TENT2: variants seen among roughly 807,000 people sequenced by gnomAD.
TENT2 encodes the protein terminal nucleotidyltransferase 2, also known as poly(A) RNA polymerase GLD2.
In TENT2, 44 loss-of-function variants were observed where a neutral mutation model predicts 72.2. The ratio of observed to expected loss-of-function variants is 0.61; its 90% confidence interval spans 0.48 to 0.78. TENT2 has a LOEUF of 0.78. TENT2 is among the 30% of genes least tolerant of loss of function. The pLI, the probability that TENT2 is intolerant of heterozygous loss-of-function variation, is 0.00. For synonymous variants in TENT2, 212 were observed against 192.5 expected (o/e 1.10, Z -0.84); for missense variants, 541 against 569.6 (o/e 0.95, Z 0.51).
chr5:79,644,508 A>G (rs1456636375), intron 7 of TENT2: 1 of 152,150 alleles, frequency 6.6e-6, no homozygotes, highest in African/African-American at 2.4e-5. Context: ...AAAAATATGT[A>G]TGTACATTTT....
At chr5:79,682,604 T>C (rs768200202) in intron 14 of TENT2, among the ~76,000 whole-genome samples, 2 of 152,096 alleles carry the variant, frequency 1.3e-5, no homozygotes, top group African/African-American at 4.8e-5. Flanking sequence ...ATTTTCGTAG[T>C]GAGCTTATTA....
At chr5:79,642,453 C>T (rs2150445290) in intron 6 of TENT2, among the ~76,000 whole-genome samples, 1 of 152,110 alleles carries the variant, frequency 6.6e-6, no homozygotes, top group Middle Eastern at 3.4e-3. Flanking sequence ...AACTGAGGCA[C>T]CATAGATATG....
At chr5:79,680,474 GA>G (rs1820791502) in intron 13 of TENT2, among the ~76,000 whole-genome samples, 1 of 152,094 alleles carries the variant, frequency 6.6e-6, no homozygotes, top group African/African-American at 2.4e-5. Context: ...TTCTGTTAAG[GA>G]AAAGAACCCC....
At chr5:79,627,532 C>T (rs1771367619) in intron 4 of TENT2, among the ~76,000 whole-genome samples, 1 of 152,086 alleles carries the variant, frequency 6.6e-6, no homozygotes, top group African/African-American at 2.4e-5. Context: ...GTTGCCCAGG[C>T]TCAAGTGTAA....
intron 11 of TENT2, among the ~76,000 whole-genome samples, chr5:79,659,595 A>ATATATATATATAG (rs1561547891): frequency 1.3e-5 from 1 of 79,180 alleles, no homozygotes; most frequent in Admixed American, 1.4e-4. Context: ...TATATATATA[A>ATATATATATATAG]TAGCCATCGT....
chr5:79,614,275 G>T (rs1455628652), intron 1 of TENT2, among the ~76,000 whole-genome samples: 3 of 151,678 alleles, frequency 2.0e-5, no homozygotes, highest in African/African-American at 7.3e-5. Context: ...GCTAATTTTT[G>T]TATTTTTAGT....
At chr5:79,638,065 T>C (rs1781598279) in intron 4 of TENT2, among the ~76,000 whole-genome samples, 2 of 152,214 alleles carry the variant, frequency 1.3e-5, no homozygotes, top group South Asian at 4.1e-4. Context: ...CCCAAAGTGC[T>C]GGGATTACAG....
chr5:79,659,879 GAT>G (rs1491167092), intron 11 of TENT2, among the ~76,000 whole-genome samples: 7 of 139,464 alleles, frequency 5.0e-5, no homozygotes, highest in Non-Finnish European at 1.0e-4. Context: ...TTCATATACA[GAT>G]ATACCTTTAA....
chr5:79,627,784 T>C (rs1010689304), intron 4 of TENT2, among the ~76,000 whole-genome samples: 2 of 152,116 alleles, frequency 1.3e-5, no homozygotes, highest in African/African-American at 4.8e-5. Flanking sequence ...CACGCCTGGC[T>C]GGAACCAATT....
intron 12 of TENT2, among the ~76,000 whole-genome samples, chr5:79,676,357 G>A (rs1001674399): frequency 3.9e-5 from 6 of 152,064 alleles, no homozygotes; most frequent in African/African-American, 1.2e-4. Context: ...AGGCTGAGGT[G>A]GGCAGATCGC....
chr5:79,626,643 G>A (rs1185046361), intron 4 of TENT2, among the ~76,000 whole-genome samples: 1 of 126,368 alleles, frequency 7.9e-6, no homozygotes, highest in African/African-American at 3.1e-5. Context: ...TTTTTTTTTG[G>A]TAGAGCCAGG....
intron 11 of TENT2, among the ~76,000 whole-genome samples, chr5:79,659,582 A>ATATATG (rs1801029081): frequency 7.6e-6 from 1 of 132,400 alleles, no homozygotes; most frequent in Non-Finnish European, 1.6e-5. Context: ...ATATATATAT[A>ATATATG]TATATATATA....
intron 10 of TENT2, among the ~76,000 whole-genome samples, chr5:79,655,382 G>A (rs371799017): frequency 4.6e-5 from 7 of 152,060 alleles, no homozygotes; most frequent in Admixed American, 2.6e-4. Context: ...TTGTCTCCTA[G>A]CATTCTAGTT....
rs975615526 is a variant in TENT2 at position 79,686,645 on chromosome 5, T to G, written c.*1372T>G. On this transcript the variant is annotated 3_prime_UTR_variant, in exon 15 of 15. Transcript: ENST00000453514. ...TGCAATAAAATTTATATATGGACATTGTTGAGGTGCCTTTTTTTTCTGTGA... is the reference window on the plus strand; with the variant it reads ...TGCAATAAAATTTATATATGGACATGGTTGAGGTGCCTTTTTTTTCTGTGA... The G allele has an allele frequency of 1.3e-5, 2 of 152,146 alleles. No individual in the cohort carries two copies. Among genetic ancestry groups the G allele is most frequent in the African/African-American group, 4.8e-5 (2 of 41,444 alleles). The allele number at this position is 152,146 out of a possible 1,614,324, so 9.4% of individuals were successfully genotyped here.
chr5:79,645,252 T>A (rs1169294752), intron 8 of TENT2, 60 bp downstream of exon 8: 9 of 1,270,102 alleles, frequency 7.1e-6, no homozygotes, highest in Non-Finnish European at 8.9e-6. Context: ...GATACTCATC[T>A]GATAAAGATA....
chr5:79,676,816 T>A (rs1279139399), intron 12 of TENT2, among the ~76,000 whole-genome samples: 2 of 152,164 alleles, frequency 1.3e-5, no homozygotes, highest in East Asian at 3.8e-4. Context: ...ATTTTACACT[T>A]TAATTATTGA....
rs1580700582 is a variant in TENT2, at chr5:79,682,082, A to G, written c.1380+21A>G. 12 of 1,563,090 alleles carry G rather than the reference A, an allele frequency of 7.7e-6. No individual in the cohort carries two copies. In the East Asian group the frequency reaches 2.7e-4, roughly 35 times the overall value. On this transcript the variant is annotated intron_variant, in intron 14 of 14. Transcript: ENST00000453514. ...TAAAGGTAAACAATGCATTAGATCA[A>G]CCCTAGAAACATTAGTAGACTAGTA...
intron 6 of TENT2, among the ~76,000 whole-genome samples, chr5:79,641,658 G>A (rs1054319806): frequency 2.7e-5 from 4 of 150,574 alleles, no homozygotes; most frequent in Non-Finnish European, 5.9e-5. Context: ...AATAAGACTC[G>A]TGTTTATTAA....
chr5:79,663,639 C>T (rs1804809059), intron 11 of TENT2, among the ~76,000 whole-genome samples: 1 of 152,150 alleles, frequency 6.6e-6, no homozygotes, highest in East Asian at 1.9e-4. Context: ...TATGTGGATA[C>T]CATTTGTGGC....
Sources: gnomAD v4.1 joint callset for allele counts (sites outside exome capture counted in the v4.1 genomes callset) on GRCh38, gnomAD v4.1.1 for gene constraint, MANE v1.5 for transcripts, NCBI Gene and HGNC (gene_info 2026-07-23, HGNC 2026-07-21) for gene names.